Variants in GRAMD1B observed in about 807,000 individuals in gnomAD.
The protein encoded by GRAMD1B is protein Aster-B.
A neutral mutation model predicts 99.7 loss-of-function variants in GRAMD1B; 37 were observed. The observed-to-expected ratio is 0.37, with a 90% CI of 0.29 to 0.49. The LOEUF (loss-of-function observed/expected upper bound fraction) is 0.49. GRAMD1B is among the 20% of genes least tolerant of loss of function. The pLI is 0.98. For missense variants in GRAMD1B, 888 were observed against 1,009.2 expected (o/e 0.88, Z 1.63); for synonymous variants, 427 against 387.6 (o/e 1.10, Z -1.19).
At chr11:123,588,516 A>T (rs1313026407) in intron 4 of GRAMD1B, among the ~76,000 whole-genome samples, 2 of 152,206 alleles carry the variant, frequency 1.3e-5, no homozygotes, top group East Asian at 3.9e-4. Flanking sequence ...TACTGTAAGG[A>T]TCCAGAGCCT....
intron 1 of GRAMD1B, among the ~76,000 whole-genome samples, chr11:123,398,387 G>C (rs970427003): frequency 6.6e-6 from 1 of 152,156 alleles, no homozygotes; most frequent in Non-Finnish European, 1.5e-5. Flanking sequence ...TGCATCATAA[G>C]AGCTCACCCT....
intron 2 of GRAMD1B, among the ~76,000 whole-genome samples, chr11:123,542,379 A>G (rs1228813573): frequency 1.3e-5 from 2 of 152,244 alleles, no homozygotes; most frequent in African/African-American, 2.4e-5. Flanking sequence ...ACGTCATGGG[A>G]TGCCTTTGAG....
At chr11:123,443,773 G>A (rs1427655747) in intron 1 of GRAMD1B, among the ~76,000 whole-genome samples, 4 of 152,120 alleles carry the variant, frequency 2.6e-5, no homozygotes, top group Admixed American at 6.5e-5. Context: ...AGTAGAGATC[G>A]GGTTTCACCA....
At chr11:123,513,602 C>CT (rs1350730051) in intron 2 of GRAMD1B, among the ~76,000 whole-genome samples, 344 of 101,566 alleles carry the variant, frequency 3.4e-3, no homozygotes, top group Middle Eastern at 0.016. Context: ...TCCTTCCTTC[C>CT]TTCCTTCCTT....
At chr11:123,545,331 C>T (rs1219026462) in intron 2 of GRAMD1B, among the ~76,000 whole-genome samples, 1 of 152,170 alleles carries the variant, frequency 6.6e-6, no homozygotes, top group East Asian at 1.9e-4. Flanking sequence ...GTTCCAATTC[C>T]AGAATTTCTG....
intron 8 of GRAMD1B, among the ~76,000 whole-genome samples, chr11:123,602,996 G>T (rs1050275564): frequency 2.6e-5 from 4 of 152,232 alleles, no homozygotes; most frequent in Admixed American, 1.3e-4. Context: ...TTTCTGTGCA[G>T]TGTGGTGGGG....
intron 8 of GRAMD1B, among the ~76,000 whole-genome samples, chr11:123,601,706 G>A (rs1306996806): frequency 1.3e-5 from 2 of 152,186 alleles, no homozygotes; most frequent in African/African-American, 4.8e-5. Flanking sequence ...TATTTGAGCT[G>A]TGGTCCTCTG....
intron 1 of GRAMD1B, among the ~76,000 whole-genome samples, chr11:123,439,775 T>G (rs1949324922): frequency 6.6e-6 from 1 of 152,192 alleles, no homozygotes; most frequent in Non-Finnish European, 1.5e-5. Flanking sequence ...AGCCTCATTC[T>G]TTTTAAGGTC....
rs147079858 is a variant in GRAMD1B, at chr11:123,610,541, A to G, written c.1919+203A>G. ...TCTCCACTCTCTACATCTTGTTAGT[A>G]AAACTTGTATAGCTACTACTATTTA... On this transcript the variant is annotated intron_variant, in intron 14 of 19. Coordinates refer to ENST00000635736, the MANE Select transcript of GRAMD1B (RefSeq NM_001387025.1). This position sits in a 1 kb window ranked among gnomAD's most constrained non-coding sequence, Gnocchi z 4.1. Among the ~76,000 whole-genome samples the G allele has an allele frequency of 9.1e-3, 1,391 of 152,328 alleles. 12 individuals carry two copies. The highest frequency in any genetic ancestry group is 0.016 in the Non-Finnish European group (1,098 of 68,028).
At chr11:123,575,173 C>T (rs899359317) in intron 2 of GRAMD1B, among the ~76,000 whole-genome samples, 1 of 152,014 alleles carries the variant, frequency 6.6e-6, no homozygotes, top group East Asian at 1.9e-4. Context: ...GGAGTCAGTT[C>T]TCCTCTGGTT....
intron 1 of GRAMD1B, among the ~76,000 whole-genome samples, chr11:123,437,857 GC>G (rs1949231798): frequency 6.6e-6 from 1 of 152,188 alleles, no homozygotes; most frequent in Admixed American, 6.5e-5. Flanking sequence ...TTCCAGGAGA[GC>G]AGGGTGATTT....
intron 2 of GRAMD1B, among the ~76,000 whole-genome samples, chr11:123,538,218 C>T (rs56801270): frequency 0.064 from 9,668 of 152,072 alleles, 806 homozygotes; most frequent in African/African-American, 0.19. Flanking sequence ...GGAGCTTTTG[C>T]AGCATTTTTT....
intron 2 of GRAMD1B, among the ~76,000 whole-genome samples, chr11:123,555,134 A>G (rs1946047096): frequency 6.6e-6 from 1 of 152,152 alleles, no homozygotes; most frequent in South Asian, 2.1e-4. Flanking sequence ...CAAAGAAGAA[A>G]CGTTGACAGG....
At chr11:123,447,565 T>C (rs1156390845) in intron 1 of GRAMD1B, among the ~76,000 whole-genome samples, 2 of 152,284 alleles carry the variant, frequency 1.3e-5, no homozygotes, top group Admixed American at 1.3e-4. Flanking sequence ...TGAGGCAGCA[T>C]GGGTTGGAGG....
chr11:123,616,215 G>A (rs1382942521), intron 17 of GRAMD1B, among the ~76,000 whole-genome samples: 5 of 152,084 alleles, frequency 3.3e-5, no homozygotes, highest in African/African-American at 7.2e-5. Context: ...CCAGCTACTC[G>A]GGAGGCTGAG....
intron 2 of GRAMD1B, chr11:123,559,688 G>A (rs1339835884): frequency 1.0e-6 from 1 of 985,016 alleles, no homozygotes; most frequent in African/African-American, 1.7e-5. Flanking sequence ...GCTTTGCCAC[G>A]AATGTAAGTG....
intron 1 of GRAMD1B, among the ~76,000 whole-genome samples, chr11:123,399,254 T>C (rs1249406096): frequency 2.6e-5 from 4 of 152,240 alleles, no homozygotes; most frequent in African/African-American, 9.6e-5. Context: ...TTGTCCCAAG[T>C]GATAGTACTG....
chr11:123,607,966 G>A (rs1952974616), intron 11 of GRAMD1B: 1 of 154,204 alleles, frequency 6.5e-6, no homozygotes, highest in Non-Finnish European at 1.4e-5. Context: ...GAAGGGCTTT[G>A]CATCCCTGAG....
At chr11:123,543,835 A>T (rs1944783835) in intron 2 of GRAMD1B, among the ~76,000 whole-genome samples, 1 of 152,234 alleles carries the variant, frequency 6.6e-6, no homozygotes, top group Admixed American at 6.5e-5. Flanking sequence ...TCTAGGATGT[A>T]GTCACAGGCT....
Sources: allele counts gnomAD v4.1 joint callset (sites outside exome capture counted in the v4.1 genomes callset), GRCh38; gene constraint gnomAD v4.1.1; non-coding constraint Gnocchi (gnomAD v3.1); transcripts MANE v1.5; gene names NCBI Gene and HGNC (gene_info 2026-07-23, HGNC 2026-07-21).